FGGY: variants seen among roughly 807,000 people sequenced by gnomAD.
The protein encoded by FGGY is FGGY carbohydrate kinase domain-containing protein.
In FGGY, 72 loss-of-function variants were observed where a neutral mutation model predicts 71.3. That is an observed-to-expected ratio of 1.01 (90% CI 0.84 to 1.23). The LOEUF is 1.23. FGGY is among the 50% of genes most tolerant of loss of function. The pLI is 0.00. For missense variants in FGGY, 668 were observed against 682.3 expected (o/e 0.98, Z 0.23); for synonymous variants, 251 against 250.3 (o/e 1.00, Z -0.02).
At chr1:59,607,934 G>A (rs1315290601) in intron 9 of FGGY, 24 bp downstream of exon 9, 1 of 1,554,810 alleles carries the variant, frequency 6.4e-7, no homozygotes, top group Admixed American at 1.7e-5. Context: ...TTCTCAATAG[G>A]GTCATGGATG....
At chr1:59,646,281 G>C (rs965131090) in intron 11 of FGGY, among the ~76,000 whole-genome samples, 1 of 152,084 alleles carries the variant, frequency 6.6e-6, no homozygotes, top group Non-Finnish European at 1.5e-5. Flanking sequence ...TGAGTTTGTG[G>C]ATGTTTTTGC....
intron 5 of FGGY, among the ~76,000 whole-genome samples, chr1:59,402,004 G>A (rs1480936291): frequency 1.3e-5 from 2 of 152,228 alleles, no homozygotes; most frequent in African/African-American, 4.8e-5. Flanking sequence ...TCAGTGTTTC[G>A]ATTTATTTAC....
intron 14 of FGGY, among the ~76,000 whole-genome samples, chr1:59,736,515 G>A (rs1431942470): frequency 2.0e-5 from 3 of 152,118 alleles, no homozygotes; most frequent in African/African-American, 7.2e-5. Context: ...ATAGAAATGA[G>A]GAACTTGTTG....
At chr1:59,557,245 G>T (rs2095704808) in intron 8 of FGGY, among the ~76,000 whole-genome samples, 1 of 152,158 alleles carries the variant, frequency 6.6e-6, no homozygotes, top group South Asian at 2.1e-4. Flanking sequence ...GGACCAAAGG[G>T]TGATGCGGGC....
At chr1:59,441,288 T>A (rs190971385) in intron 5 of FGGY, among the ~76,000 whole-genome samples, 4 of 152,308 alleles carry the variant, frequency 2.6e-5, no homozygotes, top group African/African-American at 7.2e-5. Context: ...CTAAGTGGTT[T>A]TGCTTCTAAC....
At chr1:59,637,358 C>T (rs1486229775) in intron 10 of FGGY, among the ~76,000 whole-genome samples, 2 of 152,050 alleles carry the variant, frequency 1.3e-5, no homozygotes, top group East Asian at 1.9e-4. Flanking sequence ...AAAAACCAGG[C>T]GAGGTGGCTC....
At chr1:59,631,397 G>C (rs1226945285) in intron 10 of FGGY, among the ~76,000 whole-genome samples, 1 of 152,026 alleles carries the variant, frequency 6.6e-6, no homozygotes, top group Non-Finnish European at 1.5e-5. Context: ...ATGTTAGTTC[G>C]GTTTCCTTCC....
intron 14 of FGGY, among the ~76,000 whole-genome samples, chr1:59,717,233 G>A (rs2097851897): frequency 6.6e-6 from 1 of 152,038 alleles, no homozygotes; most frequent in African/African-American, 2.4e-5. Flanking sequence ...GGATACATGT[G>A]CTTGTCGTTG....
At chr1:59,683,140 T>C (rs563122235) in intron 14 of FGGY, among the ~76,000 whole-genome samples, 9 of 152,368 alleles carry the variant, frequency 5.9e-5, no homozygotes, top group Admixed American at 4.6e-4. Flanking sequence ...TTTCTGTACC[T>C]ACCCTGAGCC....
At chr1:59,392,832 C>A (rs835428) in intron 5 of FGGY, among the ~76,000 whole-genome samples, 4,703 of 152,154 alleles carry the variant, frequency 0.031, 244 homozygotes, top group African/African-American at 0.11. Context: ...GTCAGGGAGC[C>A]CTCTGTTCCC....
chr1:59,376,210 T>C (rs1229881638), intron 4 of FGGY, among the ~76,000 whole-genome samples: 1 of 152,190 alleles, frequency 6.6e-6, no homozygotes, highest in Non-Finnish European at 1.5e-5. Flanking sequence ...ATATTTAGTA[T>C]CTTTAAGTTT....
At chr1:59,557,051 G>A (rs574350495) in intron 8 of FGGY, among the ~76,000 whole-genome samples, 1 of 152,114 alleles carries the variant, frequency 6.6e-6, no homozygotes, top group Non-Finnish European at 1.5e-5. Context: ...TGGTCATGCT[G>A]GCATGGGAAA....
intron 14 of FGGY, among the ~76,000 whole-genome samples, chr1:59,691,496 C>G (rs2097586051): frequency 6.6e-6 from 1 of 152,112 alleles, no homozygotes; most frequent in East Asian, 1.9e-4. Flanking sequence ...GAAATTCTAT[C>G]CAGCCACTCT....
intron 5 of FGGY, among the ~76,000 whole-genome samples, chr1:59,406,896 A>C (rs1246123300): frequency 6.6e-6 from 1 of 152,190 alleles, no homozygotes; most frequent in Non-Finnish European, 1.5e-5. Context: ...CGATTCTGCA[A>C]CCTGTCTTTT....
intron 1 of FGGY, among the ~76,000 whole-genome samples, chr1:59,320,374 G>T: frequency 6.6e-6 from 1 of 152,318 alleles, no homozygotes; most frequent in Non-Finnish European, 1.5e-5. Context: ...TGAAGTTGAA[G>T]GATGCAGAAG....
chr1:59,724,275 A>G (rs144907232), intron 14 of FGGY, among the ~76,000 whole-genome samples: 6,083 of 151,376 alleles, frequency 0.04, 413 homozygotes, highest in African/African-American at 0.14. Context: ...TCAGGAGATC[A>G]AGACCATCCT....
chr1:59,416,812 G>C (rs796808025), intron 5 of FGGY, among the ~76,000 whole-genome samples: 23 of 152,260 alleles, frequency 1.5e-4, no homozygotes, highest in African/African-American at 5.5e-4. Flanking sequence ...CTATACTTCT[G>C]CTTAGGTCTT....
At chr1:59,329,859 A>G (rs1202447713) in intron 2 of FGGY, among the ~76,000 whole-genome samples, 2 of 152,230 alleles carry the variant, frequency 1.3e-5, no homozygotes, top group African/African-American at 4.8e-5. Context: ...CCAAATTTCA[A>G]GTGCTCAATA....
Position 59,339,970 on chromosome 1 carries a change from G to A in FGGY, c.214G>A (p.Gly72Arg). Residue 72 changes from glycine (G) to arginine (R), a missense_variant, in exon 3 of 16, where the codon GGG (glycine) becomes AGG (arginine). Physicochemically the swap from Gly to Arg is moderately radical, Grantham distance 125. Transcript: ENST00000303721. The stretch of plus-strand genomic sequence containing the variant: ...GTTTTTAAAACAGAAAGTTGTACAA[G>A]GGATTGATTTAAACCAAATTCGAGG... Reference protein sequence around the residue: ...CCVVTKKVVQGIDLNQIRGLG... With the variant: ...CCVVTKKVVQRIDLNQIRGLG... The A allele has an allele frequency of 6.2e-7, 1 of 1,609,764 alleles. No homozygotes were observed. Among genetic ancestry groups the A allele is most frequent in the Non-Finnish European group, 8.5e-7 (1 of 1,176,840 alleles).
Sources: gnomAD v4.1 joint callset for allele counts (sites outside exome capture counted in the v4.1 genomes callset) on GRCh38, gnomAD v4.1.1 for gene constraint, MANE v1.5 for transcripts, NCBI Gene and HGNC (gene_info 2026-07-23, HGNC 2026-07-21) for gene names.